CMSS1: variants seen among roughly 807,000 people sequenced by gnomAD.
The protein encoded by CMSS1 is protein CMSS1.
A neutral mutation model predicts 43.5 loss-of-function variants in CMSS1; 33 were observed. That is an observed-to-expected ratio of 0.76 (90% confidence interval 0.57 to 1.01). The LOEUF is 1.01. CMSS1 is among the 50% of genes least tolerant of loss of function. The pLI, the probability that CMSS1 is intolerant of heterozygous loss-of-function variation, is 0.00. For synonymous variants in CMSS1, 115 were observed against 117.2 expected, an observed-to-expected ratio of 0.98 and a Z score of 0.12; for missense variants, 313 against 326.4, an observed-to-expected ratio of 0.96 and a Z score of 0.32.
chr3:99,941,061 C>A (rs560006251), intron 1 of CMSS1, among the ~76,000 whole-genome samples: 1 of 152,232 alleles, frequency 6.6e-6, no homozygotes, highest in Non-Finnish European at 1.5e-5. Flanking sequence ...TAACTTCTTG[C>A]CTCTGAAGCA....
chr3:99,948,393 C>T (rs1407927885), intron 1 of CMSS1, among the ~76,000 whole-genome samples: 1 of 151,862 alleles, frequency 6.6e-6, no homozygotes, highest in East Asian at 1.9e-4. Context: ...AAAAAATTAG[C>T]TCGGTAGGGT....
intron 1 of CMSS1, among the ~76,000 whole-genome samples, chr3:100,011,215 G>A (rs950933046): frequency 1.1e-4 from 17 of 152,114 alleles, no homozygotes; most frequent in Admixed American, 5.9e-4. Context: ...TACACTTTCT[G>A]TAAAAGTGAG....
intron 1 of CMSS1, among the ~76,000 whole-genome samples, chr3:99,941,496 G>A (rs1707849594): frequency 6.6e-6 from 1 of 152,214 alleles, no homozygotes; most frequent in Admixed American, 6.5e-5. Context: ...GAAAAACACA[G>A]TATGTGGGGA....
At position 99,817,894 on chromosome 3, in the gene CMSS1, C is replaced by G; in HGVS notation, c.-86C>G. 2.8e-6 allele frequency: 4 copies of G among 1,438,670 alleles called. No individual in the cohort carries two copies. Among genetic ancestry groups the G allele is most frequent in the South Asian group, 2.3e-5 (2 of 85,322 alleles). 89.1% of individuals were successfully genotyped at this position (1,438,670 alleles called of 1,614,324 possible). ...AGCGGGAGCTCCGCGTGTAGCTACG[C>G]CGGCCGCCTGGCTTTGAGACAACGT... On this transcript the variant is annotated 5_prime_UTR_variant, in exon 1 of 10. Transcript: ENST00000421999.
chr3:99,968,415 CTA>C (rs1708717444), intron 1 of CMSS1, among the ~76,000 whole-genome samples: 2 of 148,336 alleles, frequency 1.3e-5, no homozygotes, highest in African/African-American at 5.0e-5. Context: ...TCCTGAAAAA[CTA>C]TGTTTTTGGG....
At chr3:100,086,286 A>G (rs1388078680) in intron 1 of CMSS1, among the ~76,000 whole-genome samples, 1 of 152,232 alleles carries the variant, frequency 6.6e-6, no homozygotes, top group Admixed American at 6.5e-5. Flanking sequence ...ACCACAGAAG[A>G]AAGGGACAGA....
intron 1 of CMSS1, among the ~76,000 whole-genome samples, chr3:100,034,664 C>T (rs571209825): frequency 3.5e-4 from 53 of 152,262 alleles, no homozygotes; most frequent in African/African-American, 1.3e-3. Context: ...TTAGGTAAGA[C>T]AGTGAGTTTA....
chr3:100,063,665 A>C (rs926773206), intron 1 of CMSS1, among the ~76,000 whole-genome samples: 1 of 152,212 alleles, frequency 6.6e-6, no homozygotes, highest in African/African-American at 2.4e-5. Flanking sequence ...TTTTCATTAA[A>C]TACCACTTTT....
At chr3:100,064,193 C>T (rs908866013) in intron 1 of CMSS1, among the ~76,000 whole-genome samples, 1 of 152,080 alleles carries the variant, frequency 6.6e-6, no homozygotes, top group Non-Finnish European at 1.5e-5. Context: ...GGTTGTCTTC[C>T]GGGAATGTAT....
At chr3:100,053,845 A>T (rs2065416433) in intron 1 of CMSS1, among the ~76,000 whole-genome samples, 1 of 152,194 alleles carries the variant, frequency 6.6e-6, no homozygotes, top group South Asian at 2.1e-4. Context: ...TTATTTTATA[A>T]AACTGCCCCC....
At chr3:99,846,769 T>A (rs1943383550) in intron 1 of CMSS1, among the ~76,000 whole-genome samples, 8 of 152,238 alleles carry the variant, frequency 5.3e-5, no homozygotes, top group Admixed American at 5.2e-4. Context: ...CTTCCTTTTA[T>A]TCTTAAAGAT....
chr3:99,879,263 A>G (rs1162524617), intron 1 of CMSS1, among the ~76,000 whole-genome samples: 1 of 152,198 alleles, frequency 6.6e-6, no homozygotes, highest in Non-Finnish European at 1.5e-5. Flanking sequence ...GCAAGAAACA[A>G]GGAGATACCA....
At chr3:100,017,710 AGCC>A (rs1169121537) in intron 1 of CMSS1, among the ~76,000 whole-genome samples, 1 of 151,206 alleles carries the variant, frequency 6.6e-6, no homozygotes, top group Non-Finnish European at 1.5e-5. Context: ...GGATCCCTTG[AGCC>A]CAGGAGTTCA....
chr3:99,929,773 CAA>C, intron 1 of CMSS1: 2 of 998,972 alleles, frequency 2.0e-6, no homozygotes, highest in Non-Finnish European at 2.9e-6. Context: ...TGTAAGGAAT[CAA>C]AGAGGAGTTA....
Position 99,849,455 on chromosome 3 carries a change from C to T in CMSS1, c.64+31412C>T, listed in dbSNP as rs762729634. 3.9e-5 allele frequency: 63 copies of T among 1,613,882 alleles called. No individual in the cohort carries two copies. In the South Asian group the frequency reaches 6.7e-4, roughly 17 times the overall value. On this transcript the variant is annotated intron_variant, in intron 1 of 9. Coordinates refer to ENST00000421999, the MANE Select transcript of CMSS1 (RefSeq NM_032359.4). ...TTTTTTTGCAGGACTGAGTGATCTC[C>T]CTGGAGGTGACATATTAGGTCTTCA...
chr3:99,875,728 T>A (rs1323498234), intron 1 of CMSS1, among the ~76,000 whole-genome samples: 1 of 152,188 alleles, frequency 6.6e-6, no homozygotes, highest in African/African-American at 2.4e-5. Flanking sequence ...ATAGGGTTGC[T>A]GCAGTACAAT....
At chr3:100,086,374 T>C (rs1371591004) in intron 1 of CMSS1, among the ~76,000 whole-genome samples, 1 of 152,142 alleles carries the variant, frequency 6.6e-6, no homozygotes, top group Non-Finnish European at 1.5e-5. Flanking sequence ...TACTGAGAAA[T>C]GTCTTGGAAT....
chr3:100,011,181 A>G (rs1182568584), intron 1 of CMSS1, among the ~76,000 whole-genome samples: 1 of 152,138 alleles, frequency 6.6e-6, no homozygotes, highest in Admixed American at 6.5e-5. Context: ...ATCTTTCATT[A>G]GTAAGAAGGA....
intron 1 of CMSS1, among the ~76,000 whole-genome samples, chr3:100,090,564 C>T (rs147479716): frequency 0.011 from 1,621 of 152,312 alleles, 33 homozygotes; most frequent in African/African-American, 0.036. Flanking sequence ...GTTCTGCAAT[C>T]CCCTGCCTGG....
Sources: allele counts gnomAD v4.1 joint callset (sites outside exome capture counted in the v4.1 genomes callset), GRCh38; gene constraint gnomAD v4.1.1; transcripts MANE v1.5; gene names NCBI Gene and HGNC (gene_info 2026-07-23, HGNC 2026-07-21).